The following ASAP2 variants were observed in gnomAD, a reference collection of about 807,000 sequenced individuals.
ASAP2 encodes ArfGAP with SH3 domain, ankyrin repeat and PH domain 2.
ASAP2 carries 45 observed loss-of-function variants against 131.4 expected under a neutral mutation model. The observed-to-expected ratio is 0.34, with a 90% CI of 0.27 to 0.44. The LOEUF (loss-of-function observed/expected upper bound fraction) is 0.44, where lower values mean the gene tolerates loss of function less well. ASAP2 is among the 20% of genes least tolerant of loss of function. ASAP2 has a pLI of 1.00. For missense variants in ASAP2, 1,011 were observed against 1,297.0 expected, an observed-to-expected ratio of 0.78 and a Z score of 3.39; for synonymous variants, 510 against 503.0, an observed-to-expected ratio of 1.01 and a Z score of -0.19.
chr2:9,262,310 G>A (rs771928762), intron 1 of ASAP2, among the ~76,000 whole-genome samples: 2 of 152,098 alleles, frequency 1.3e-5, no homozygotes, highest in Admixed American at 1.3e-4. Flanking sequence ...AGACGGTCCT[G>A]GGGTAACAGC....
intron 1 of ASAP2, among the ~76,000 whole-genome samples, chr2:9,235,476 C>T (rs1436755302): frequency 6.6e-6 from 1 of 152,160 alleles, no homozygotes; most frequent in African/African-American, 2.4e-5. Flanking sequence ...CAGCAGAGGC[C>T]GGATGTGTAA....
chr2:9,350,714 G>C, intron 11 of ASAP2, 94 bp from the exon 12 acceptor site: 3 of 1,022,842 alleles, frequency 2.9e-6, no homozygotes, highest in Non-Finnish European at 4.2e-6. Flanking sequence ...TGAAGAGCTT[G>C]CTGTTGCTGT....
At chr2:9,318,272 C>G (rs1339041902) in intron 3 of ASAP2, among the ~76,000 whole-genome samples, 2 of 152,212 alleles carry the variant, frequency 1.3e-5, no homozygotes, top group Non-Finnish European at 2.9e-5. Context: ...TCTTTACAAA[C>G]TTTCTAGCAT....
At chr2:9,307,996 C>A (rs1305743662) in intron 3 of ASAP2, among the ~76,000 whole-genome samples, 1 of 152,150 alleles carries the variant, frequency 6.6e-6, no homozygotes, top group Non-Finnish European at 1.5e-5. Flanking sequence ...GTATGATAGA[C>A]CTCAAGGCAA....
intron 16 of ASAP2, among the ~76,000 whole-genome samples, chr2:9,373,601 T>A (rs1192049195): frequency 6.6e-6 from 1 of 152,126 alleles, no homozygotes; most frequent in Non-Finnish European, 1.5e-5. Context: ...TTAGGGCAGG[T>A]ACAGAAAAGT....
intron 2 of ASAP2, among the ~76,000 whole-genome samples, chr2:9,290,078 G>A (rs918053806): frequency 2.0e-5 from 3 of 152,220 alleles, no homozygotes; most frequent in African/African-American, 7.2e-5. Flanking sequence ...ACCCCTTCTG[G>A]TTGTGGCTAC....
At chr2:9,393,152 C>T (rs576668048) in intron 23 of ASAP2, among the ~76,000 whole-genome samples, 6 of 152,180 alleles carry the variant, frequency 3.9e-5, no homozygotes, top group Non-Finnish European at 7.3e-5. Flanking sequence ...CTGAGGGCCC[C>T]GGCCTCCTGC....
At chr2:9,209,391 G>A (rs1661372851) in intron 1 of ASAP2, among the ~76,000 whole-genome samples, 1 of 151,954 alleles carries the variant, frequency 6.6e-6, no homozygotes, top group African/African-American at 2.4e-5. Context: ...TTCTATGTAT[G>A]GTTTAATAAC....
chr2:9,248,417 A>G (rs1166849419), intron 1 of ASAP2, among the ~76,000 whole-genome samples: 1 of 148,618 alleles, frequency 6.7e-6, no homozygotes, highest in Non-Finnish European at 1.5e-5. Flanking sequence ...GTAGCTCTTT[A>G]TTTTTCAAGC....
intron 1 of ASAP2, among the ~76,000 whole-genome samples, chr2:9,223,006 G>C (rs114313423): frequency 0.012 from 1,808 of 152,144 alleles, 25 homozygotes; most frequent in African/African-American, 0.041. Context: ...AAAAGATCCT[G>C]TTCCATCCAG....
intron 1 of ASAP2, among the ~76,000 whole-genome samples, chr2:9,254,248 T>C (rs1338824422): frequency 6.7e-5 from 6 of 88,900 alleles, no homozygotes; most frequent in Admixed American, 5.6e-4. Context: ...TATATATATA[T>C]ATATATACAC....
At chr2:9,395,701 A>G (rs4305239) in intron 24 of ASAP2, among the ~76,000 whole-genome samples, 40,543 of 137,718 alleles carry the variant, frequency 0.29, 10,445 homozygotes, top group African/African-American at 0.7. Flanking sequence ...TCCGCTTCCC[A>G]GGTTCACACC....
chr2:9,208,495 G>C lies in ASAP2; in HGVS notation c.126+1265G>C, dbSNP rs576555802. Among the ~76,000 whole-genome samples, 36 of 149,086 alleles carry C rather than the reference G, an allele frequency of 2.4e-4. 1 individual carries two copies. The South Asian group carries it at 4.5e-3, about 19-fold the overall frequency. On this transcript the variant is annotated intron_variant, in intron 1 of 27. Transcript: ENST00000281419. ...AAATCCAGAATGTTTTCCCTTAATG[G>C]AAAAATTTTTTCTTTGTAGCTGTAA...
intron 1 of ASAP2, among the ~76,000 whole-genome samples, chr2:9,243,665 T>C (rs549762433): frequency 6.6e-6 from 1 of 152,272 alleles, no homozygotes; most frequent in African/African-American, 2.4e-5. Flanking sequence ...CAGAAGCTTG[T>C]TTTATCTTAC....
At chr2:9,209,895 C>CT (rs1429607477) in intron 1 of ASAP2, among the ~76,000 whole-genome samples, 4 of 152,202 alleles carry the variant, frequency 2.6e-5, no homozygotes, top group African/African-American at 9.7e-5. Context: ...ACTGATTAAC[C>CT]TTTTTGAATC....
chr2:9,308,875 G>C (rs1669116739), intron 3 of ASAP2, among the ~76,000 whole-genome samples: 1 of 152,188 alleles, frequency 6.6e-6, no homozygotes, highest in Non-Finnish European at 1.5e-5. Flanking sequence ...GTGTCATCTG[G>C]TGGTTTATTC....
rs80224131 is a variant in ASAP2, at chr2:9,315,196, C to G, written c.346-3328C>G. 8.6e-3 allele frequency among the ~76,000 whole-genome samples: 1,313 copies of G among 152,184 alleles called. 7 individuals carry two copies. The highest frequency in any genetic ancestry group is 0.045 in the Middle Eastern group (13 of 292). ...GATGGATTGTGGAGAGTGTGAAATGCAGGAATAAGTAGTTTAGTCTTTATT... is the reference window on the plus strand; with the variant it reads ...GATGGATTGTGGAGAGTGTGAAATGGAGGAATAAGTAGTTTAGTCTTTATT... On this transcript the variant is annotated intron_variant, in intron 3 of 27. Transcript: ENST00000281419.
At chr2:9,334,711 ATC>A in intron 7 of ASAP2, 25 bp from the exon 8 acceptor site, 6 of 1,597,892 alleles carry the variant, frequency 3.8e-6, no homozygotes, top group Non-Finnish European at 5.1e-6. Context: ...GTGAAATGTC[ATC>A]TCTGTTTCTT....
intron 27 of ASAP2, among the ~76,000 whole-genome samples, chr2:9,402,410 ACT>A (rs1234891231): frequency 6.6e-6 from 1 of 152,196 alleles, no homozygotes; most frequent in Non-Finnish European, 1.5e-5. Context: ...CAGGCGGAAC[ACT>A]TGAGGTCAGG....
Sources: gnomAD v4.1 joint callset for allele counts (sites outside exome capture counted in the v4.1 genomes callset) on GRCh38, gnomAD v4.1.1 for gene constraint, MANE v1.5 for transcripts, NCBI Gene and HGNC (gene_info 2026-07-23, HGNC 2026-07-21) for gene names.